The following BCAS3 variants were observed in gnomAD, a reference collection of about 807,000 sequenced individuals.
The protein encoded by BCAS3 is BCAS3 microtubule associated cell migration factor.
Under a neutral mutation model 116.1 loss-of-function variants are expected in BCAS3, and 53 were observed. The ratio of observed to expected loss-of-function variants is 0.46; its 90% CI spans 0.37 to 0.57. The LOEUF (loss-of-function observed/expected upper bound fraction) is 0.57, where lower values mean the gene tolerates loss of function less well. Among genes scored for constraint, BCAS3 ranks in the 20% least tolerant of loss-of-function variants. The pLI, the probability that BCAS3 is intolerant of heterozygous loss-of-function variation, is 0.00. For missense variants in BCAS3, 917 were observed against 1,165.4 expected, an observed-to-expected ratio of 0.79 and a Z score of 3.10; for synonymous variants, 391 against 408.2, an observed-to-expected ratio of 0.96 and a Z score of 0.51.
rs2064778680 is a variant in BCAS3 at position 61,007,228 on chromosome 17, G to A, written c.1487-8523G>A. Among the ~76,000 whole-genome samples the A allele has an allele frequency of 6.6e-6, 1 of 151,792 alleles. No individual in the cohort carries two copies. The highest frequency in any genetic ancestry group is 1.5e-5 in the Non-Finnish European group (1 of 67,902). On this transcript the variant is annotated intron_variant, in intron 15 of 23. Coordinates refer to ENST00000407086, the MANE Select transcript of BCAS3 (RefSeq NM_017679.5). This position sits in a 1 kb window ranked among gnomAD's most constrained non-coding sequence, Gnocchi z 4.3. ...CATTTTATAAACATTGTTTCTAACT[G>A]TTGATTTCATCTCCTTTTCTAGGGA...
Position 61,012,554 on chromosome 17 carries a change from T to C in BCAS3, c.1487-3197T>C, listed in dbSNP as rs1727638851. Among the ~76,000 whole-genome samples the C allele has an allele frequency of 6.6e-6, 1 of 152,076 alleles. No homozygotes were observed. Among genetic ancestry groups the C allele is most frequent in the Admixed American group, 6.6e-5 (1 of 15,232 alleles). The stretch of plus-strand genomic sequence containing the variant: ...AATATACTCATTGTTTCATTAAAAC[T>C]GTGTTTATAAGTTGCTAGCCATATC... On this transcript the variant is annotated intron_variant, in intron 15 of 23. Transcript: ENST00000407086. The surrounding 1 kb of genome is among the most constrained non-coding windows in gnomAD (Gnocchi z 4.5).
At chr17:60,936,264 G>C (rs2059920466) in intron 13 of BCAS3, among the ~76,000 whole-genome samples, 1 of 148,982 alleles carries the variant, frequency 6.7e-6, no homozygotes, top group African/African-American at 2.5e-5. Flanking sequence ...ATCATTGTTG[G>C]ACATTTGGGT....
chr17:61,004,887 A>G lies in BCAS3; in HGVS notation c.1487-10864A>G, dbSNP rs1203676435. Among the ~76,000 whole-genome samples, 1 of 152,170 alleles carries G rather than the reference A, an allele frequency of 6.6e-6. No individual in the cohort carries two copies. Among genetic ancestry groups the G allele is most frequent in the Non-Finnish European group, 1.5e-5 (1 of 68,028 alleles). ...CATTCCATTTTCTGTGTTAAGAGCC[A>G]TCTCTAGTAAGGAATGCTTAATTAA... is the stretch of plus-strand genomic sequence containing the variant. On this transcript the variant is annotated intron_variant, in intron 15 of 23. Coordinates refer to ENST00000407086, the MANE Select transcript of BCAS3 (RefSeq NM_017679.5). The surrounding 1 kb of genome is among the most constrained non-coding windows in gnomAD (Gnocchi z 4.8).
At chr17:61,179,139 T>C (rs999080993) in intron 22 of BCAS3, among the ~76,000 whole-genome samples, 8 of 152,168 alleles carry the variant, frequency 5.3e-5, no homozygotes, top group Non-Finnish European at 7.3e-5. Flanking sequence ...GGTAGATTAG[T>C]AGAGAAGGTC....
Position 61,151,696 on chromosome 17 carries a change from G to A in BCAS3, c.2425+67132G>A, listed in dbSNP as rs7218009. The stretch of plus-strand genomic sequence containing the variant: ...TGGTCTTGAATTCCTGGGCTCAAGT[G>A]AGCCTCCTGCCTTGGCCCCGCAAAG... On this transcript the variant is annotated intron_variant, in intron 22 of 23. Transcript: ENST00000407086. The surrounding 1 kb of genome is among the most constrained non-coding windows in gnomAD (Gnocchi z 4.8). Among the ~76,000 whole-genome samples the A allele has an allele frequency of 0.085, 12,931 of 152,118 alleles. 1,893 individuals carry two copies. The highest frequency in any genetic ancestry group is 0.29 in the African/African-American group (12,220 of 41,440).
intron 10 of BCAS3, among the ~76,000 whole-genome samples, chr17:60,890,649 A>G (rs2057083280): frequency 6.6e-6 from 1 of 152,184 alleles, no homozygotes; most frequent in African/African-American, 2.4e-5. Context: ...TAGGAATTTT[A>G]CTTATGTCTG....
At position 61,144,934 on chromosome 17, in the gene BCAS3, C is replaced by T. The variant is rs2077114260; in HGVS notation, c.2425+60370C>T. Among the ~76,000 whole-genome samples the T allele has an allele frequency of 6.6e-6, 1 of 152,164 alleles. No individual in the cohort carries two copies. Among genetic ancestry groups the T allele is most frequent in the African/African-American group, 2.4e-5 (1 of 41,416 alleles). On this transcript the variant is annotated intron_variant, in intron 22 of 23. Transcript: ENST00000407086. The surrounding 1 kb of genome is among the most constrained non-coding windows in gnomAD (Gnocchi z 5.0). ...GCTCTAAACCTGTTTGGCTCACCAC[C>T]ATAAGGTTTAAAACATAAAAATATA...
rs149759199 is a variant in BCAS3 at position 60,717,887 on chromosome 17, G to A, written c.321+8562G>A. The stretch of plus-strand genomic sequence containing the variant: ...AAATAATTATACAACTCACCATAAT[G>A]TAGAATCAGTGGGAGCCCTGAGCTT... On this transcript the variant is annotated intron_variant, in intron 5 of 23. Coordinates refer to ENST00000407086, the MANE Select transcript of BCAS3 (RefSeq NM_017679.5). 2.1e-3 allele frequency among the ~76,000 whole-genome samples: 325 copies of A among 152,266 alleles called. 1 individual carries two copies. Among genetic ancestry groups the A allele is most frequent in the East Asian group, 0.012 (63 of 5,190 alleles).
chr17:61,048,536 T>C (rs538201761), intron 19 of BCAS3, among the ~76,000 whole-genome samples: 62 of 152,110 alleles, frequency 4.1e-4, no homozygotes, highest in African/African-American at 1.4e-3. Flanking sequence ...CAAATTACCA[T>C]GTGCTTTTAT....
intron 5 of BCAS3, among the ~76,000 whole-genome samples, 197 bp from the exon 6 acceptor site, chr17:60,747,001 C>T (rs1422822263): frequency 6.6e-6 from 1 of 152,004 alleles, no homozygotes; most frequent in African/African-American, 2.4e-5. Context: ...TGTGCTCTTA[C>T]AGTTTTCTAA....
rs369504417 is a variant in BCAS3, at chr17:61,376,096, A to T, written c.2593+7602A>T. The stretch of plus-strand genomic sequence containing the variant: ...CCCTAGGGGTAGATAGATGCATCCT[A>T]CTGGCCCAACTCATTGCAAGGCCAT... On this transcript the variant is annotated intron_variant, in intron 23 of 23. Coordinates refer to ENST00000407086, the MANE Select transcript of BCAS3 (RefSeq NM_017679.5). This position sits in a 1 kb window ranked among gnomAD's most constrained non-coding sequence, Gnocchi z 4.5. 6.6e-6 allele frequency among the ~76,000 whole-genome samples: 1 copy of T among 152,170 alleles called. No individual in the cohort carries two copies. The highest frequency in any genetic ancestry group is 2.4e-5 in the African/African-American group (1 of 41,442).
At chr17:61,201,913 C>T (rs1364063641) in intron 22 of BCAS3, among the ~76,000 whole-genome samples, 1 of 151,448 alleles carries the variant, frequency 6.6e-6, no homozygotes, top group Non-Finnish European at 1.5e-5. Flanking sequence ...AATGTGACAC[C>T]ACGCTCGGCT....
intron 22 of BCAS3, among the ~76,000 whole-genome samples, chr17:61,160,799 C>T (rs1193169630): frequency 6.6e-6 from 1 of 152,152 alleles, no homozygotes; most frequent in Non-Finnish European, 1.5e-5. Flanking sequence ...CTTGTGGCAG[C>T]TTTCCTCCAC....
At chr17:61,177,957 A>G (rs2079243952) in intron 22 of BCAS3, among the ~76,000 whole-genome samples, 1 of 152,190 alleles carries the variant, frequency 6.6e-6, no homozygotes, top group Non-Finnish European at 1.5e-5. Flanking sequence ...AAGACTATAT[A>G]CTATAGCTAC....
intron 19 of BCAS3, among the ~76,000 whole-genome samples, chr17:61,044,729 T>C (rs1568206471): frequency 1.3e-5 from 2 of 151,872 alleles, no homozygotes; most frequent in East Asian, 3.9e-4. Flanking sequence ...TTATTATACT[T>C]GCTCTTATAG....
intron 11 of BCAS3, among the ~76,000 whole-genome samples, chr17:60,907,480 A>C (rs145301096): frequency 7.9e-4 from 121 of 152,320 alleles, no homozygotes; most frequent in African/African-American, 2.7e-3. Flanking sequence ...CTGATATGGC[A>C]TGGGAAAGGT....
Position 61,040,819 on chromosome 17 carries a change from A to G in BCAS3, c.1956A>G (p.Pro652=), listed in dbSNP as rs763911904. ...VRTPQWNELQ[P]PFNANHPLLL... ...CCCCTCAATGGAATGAATTGCAGCC[A>G]CCGTTTAATGCAAACCACCCTCTGC... Residue 652 remains proline (P), a synonymous_variant, in exon 19 of 24, where the codon CCA becomes CCG. Transcript: ENST00000407086. 9.3e-6 allele frequency: 15 copies of G among 1,613,916 alleles called. No homozygotes were observed. The highest frequency in any genetic ancestry group is 1.0e-5 in the Non-Finnish European group (12 of 1,179,978).
chr17:61,318,459 C>G (rs1025329517), intron 22 of BCAS3, among the ~76,000 whole-genome samples: 5 of 152,300 alleles, frequency 3.3e-5, no homozygotes, highest in Non-Finnish European at 5.9e-5. Flanking sequence ...GGCACCATCT[C>G]CCTCTCCCAG....
intron 7 of BCAS3, among the ~76,000 whole-genome samples, chr17:60,822,352 A>G (rs576944816): frequency 6.6e-6 from 1 of 152,170 alleles, no homozygotes; most frequent in African/African-American, 2.4e-5. Context: ...GTTGTTCTTC[A>G]TTTTCAATCC....
Sources: allele counts gnomAD v4.1 joint callset (sites outside exome capture counted in the v4.1 genomes callset), GRCh38; gene constraint gnomAD v4.1.1; non-coding constraint Gnocchi (gnomAD v3.1); transcripts MANE v1.5; gene names NCBI Gene and HGNC (gene_info 2026-07-23, HGNC 2026-07-21).